The following TNR variants were observed in gnomAD, a reference collection of about 807,000 sequenced individuals.
TNR encodes tenascin R, also known as tenascin-R.
Under a neutral mutation model 150.4 loss-of-function variants are expected in TNR, and 45 were observed. That is an observed-to-expected ratio of 0.30 (90% CI 0.24 to 0.38). TNR has a LOEUF of 0.38. Ranked by LOEUF, TNR falls within the 10% of genes least tolerant of loss-of-function variation. The pLI, the probability that TNR is intolerant of heterozygous loss-of-function variation, is 1.00. For missense variants in TNR, 1,544 were observed against 1,759.1 expected, an observed-to-expected ratio of 0.88 and a Z score of 2.19; for synonymous variants, 687 against 678.4, an observed-to-expected ratio of 1.01 and a Z score of -0.20.
intron 2 of TNR, among the ~76,000 whole-genome samples, chr1:175,457,974 C>T (rs917250436): frequency 1.3e-5 from 2 of 152,160 alleles, no homozygotes; most frequent in African/African-American, 4.8e-5. Flanking sequence ...AAGTGAGTAT[C>T]GTTAACCAAA....
At chr1:175,613,812 T>G (rs570633876) in intron 1 of TNR, among the ~76,000 whole-genome samples, 20 of 152,266 alleles carry the variant, frequency 1.3e-4, no homozygotes, top group African/African-American at 4.6e-4. Context: ...CTACATCAAA[T>G]CTTTATTAAA....
chr1:175,447,471 C>T (rs548074988), intron 2 of TNR, among the ~76,000 whole-genome samples: 4 of 152,132 alleles, frequency 2.6e-5, no homozygotes, highest in South Asian at 2.1e-4. Flanking sequence ...ATGGCTAGCA[C>T]GTTTGGCATT....
chr1:175,681,778 G>A (rs947115469), intron 1 of TNR, among the ~76,000 whole-genome samples: 2 of 152,200 alleles, frequency 1.3e-5, no homozygotes, highest in Non-Finnish European at 2.9e-5. Flanking sequence ...AGGGCTGGGA[G>A]CAGGAGTGGG....
chr1:175,683,444 T>C (rs1448422156), intron 1 of TNR, among the ~76,000 whole-genome samples: 2 of 152,064 alleles, frequency 1.3e-5, no homozygotes, highest in Non-Finnish European at 2.9e-5. Flanking sequence ...TCTCAAGGAG[T>C]GATTCCACCA....
chr1:175,704,533 G>T (rs1666793895), intron 1 of TNR, among the ~76,000 whole-genome samples: 1 of 152,190 alleles, frequency 6.6e-6, no homozygotes, highest in African/African-American at 2.4e-5. Flanking sequence ...AGTCGGCCCT[G>T]ATCTGCCAGG....
chr1:175,384,895 T>C (rs1293455488), intron 8 of TNR, among the ~76,000 whole-genome samples: 1 of 152,236 alleles, frequency 6.6e-6, no homozygotes, highest in African/African-American at 2.4e-5. Context: ...TTTTCCCTTA[T>C]TTATCAATTG....
intron 1 of TNR, among the ~76,000 whole-genome samples, chr1:175,611,752 G>C (rs1291084378): frequency 6.6e-6 from 1 of 152,040 alleles, no homozygotes; most frequent in Admixed American, 6.6e-5. Context: ...ATATATCCAG[G>C]GTTATTCTAG....
intron 1 of TNR, among the ~76,000 whole-genome samples, chr1:175,544,827 C>T (rs1484038824): frequency 6.6e-6 from 1 of 152,104 alleles, no homozygotes; most frequent in Non-Finnish European, 1.5e-5. Context: ...ACTTTATGTC[C>T]CTGCTTGCTG....
At chr1:175,339,462 C>G (rs1232704767) in intron 18 of TNR, among the ~76,000 whole-genome samples, 1 of 152,220 alleles carries the variant, frequency 6.6e-6, no homozygotes, top group Non-Finnish European at 1.5e-5. Context: ...CCACCTACCC[C>G]TAGAGGCTAC....
intron 2 of TNR, among the ~76,000 whole-genome samples, chr1:175,412,740 C>T (rs747371255): frequency 1.3e-5 from 2 of 152,122 alleles, no homozygotes; most frequent in African/African-American, 2.4e-5. Flanking sequence ...TGCTGCTTTT[C>T]TAGGGGAAGG....
chr1:175,657,804 C>T lies in TNR; in HGVS notation c.-165+85422G>A, dbSNP rs1160157328. Among the ~76,000 whole-genome samples the T allele has an allele frequency of 3.7e-5, 5 of 133,348 alleles. 1 individual carries two copies. The highest frequency in any genetic ancestry group is 1.5e-4 in the Admixed American group (2 of 13,044). The allele number at this position is 133,348 out of a possible 152,430, so 87.5% of individuals were successfully genotyped here. On this transcript the variant is annotated intron_variant, in intron 1 of 22. Transcript: ENST00000367674. ...GGGAGGGATAGCATTAGGAGATATA[C>T]CTAATGTAAATGACGAGTTAATGGG...
rs528797454 is a variant in TNR, at chr1:175,507,624, C to T, written c.-64+20645G>A. 2.0e-5 allele frequency among the ~76,000 whole-genome samples: 3 copies of T among 152,216 alleles called. No individual in the cohort carries two copies. In the South Asian group the frequency reaches 6.2e-4, roughly 32 times the overall value. ...GCCTCAACCTTATTCTTGCTCTCTC[C>T]TGTTTCTATAACAGTCCTCAGCCTC... On this transcript the variant is annotated intron_variant, in intron 2 of 22. Coordinates refer to ENST00000367674, the MANE Select transcript of TNR (RefSeq NM_003285.3).
intron 1 of TNR, among the ~76,000 whole-genome samples, chr1:175,563,455 T>C (rs1661509964): frequency 6.6e-6 from 1 of 152,186 alleles, no homozygotes; most frequent in South Asian, 2.1e-4. Context: ...CTCAACAGCC[T>C]ATCAAAGGGT....
intron 2 of TNR, among the ~76,000 whole-genome samples, chr1:175,425,259 A>T (rs1443849084): frequency 2.0e-5 from 3 of 152,116 alleles, no homozygotes; most frequent in Non-Finnish European, 4.4e-5. Context: ...ATCTAGTCTG[A>T]GTGTACTAGC....
intron 2 of TNR, among the ~76,000 whole-genome samples, chr1:175,478,823 T>C (rs1657659786): frequency 6.6e-6 from 1 of 152,202 alleles, no homozygotes; most frequent in Non-Finnish European, 1.5e-5. Flanking sequence ...GCTGTCAGCA[T>C]TCTCTTATTA....
intron 2 of TNR, among the ~76,000 whole-genome samples, chr1:175,445,460 GTC>G (rs2102086408): frequency 6.6e-6 from 1 of 152,032 alleles, no homozygotes; most frequent in African/African-American, 2.4e-5. Flanking sequence ...CCATTTCTTG[GTC>G]TCTCTGTGAA....
intron 1 of TNR, among the ~76,000 whole-genome samples, chr1:175,714,387 C>T (rs1278751101): frequency 6.6e-6 from 1 of 152,160 alleles, no homozygotes; most frequent in Admixed American, 6.5e-5. Context: ...AATGAAGCAG[C>T]AGCAAAACAA....
At chr1:175,487,820 G>C (rs1658078637) in intron 2 of TNR, among the ~76,000 whole-genome samples, 1 of 152,090 alleles carries the variant, frequency 6.6e-6, no homozygotes. Flanking sequence ...ATACCAAATG[G>C]AATTGTTATT....
rs1167781885 is a variant in TNR, at chr1:175,317,113, C to T, written c.*6244G>A. 1 of 152,200 alleles carries T rather than the reference C, an allele frequency of 6.6e-6. No individual in the cohort carries two copies. The highest frequency in any genetic ancestry group is 2.4e-5 in the African/African-American group (1 of 41,452). 9.4% of individuals were successfully genotyped at this position (152,200 alleles called of 1,614,324 possible). On this transcript the variant is annotated 3_prime_UTR_variant, in exon 23 of 23. Transcript: ENST00000367674. ...TCCCTCTTCTATAAAATGGTTAAAC[C>T]TGACTTAAAGTTTATGGTGAGGATT...
Sources: allele counts gnomAD v4.1 joint callset (sites outside exome capture counted in the v4.1 genomes callset), GRCh38; gene constraint gnomAD v4.1.1; transcripts MANE v1.5; gene names NCBI Gene and HGNC (gene_info 2026-07-23, HGNC 2026-07-21).